ELAPOR2: variants seen among roughly 807,000 people sequenced by gnomAD.
The protein encoded by ELAPOR2 is endosome-lysosome associated apoptosis and autophagy regulator family member 2, also known as endosome/lysosome-associated apoptosis and autophagy regulator family member 2.
In ELAPOR2, 89 loss-of-function variants were observed where a neutral mutation model predicts 120.7. The observed-to-expected ratio is 0.74, with a 90% confidence interval of 0.62 to 0.88. The LOEUF (loss-of-function observed/expected upper bound fraction) is 0.88, where lower values mean the gene tolerates loss of function less well. Among genes scored for constraint, ELAPOR2 ranks in the 40% least tolerant of loss-of-function variants. The probability of loss-of-function intolerance (pLI) is 0.00; values close to 1 mark genes in which losing one functional copy is unlikely to be tolerated. For missense variants in ELAPOR2, 1,134 were observed against 1,251.6 expected, an observed-to-expected ratio of 0.91 and a Z score of 1.42; for synonymous variants, 444 against 444.9, an observed-to-expected ratio of 1.00 and a Z score of 0.03.
chr7:86,990,484 C>A (rs985599772), intron 1 of ELAPOR2, among the ~76,000 whole-genome samples: 67 of 152,154 alleles, frequency 4.4e-4, no homozygotes, highest in Non-Finnish European at 6.6e-4. Context: ...CCAGATGCCA[C>A]CCCTTGACCT....
intron 1 of ELAPOR2, among the ~76,000 whole-genome samples, chr7:87,002,875 G>A (rs1793362405): frequency 6.6e-6 from 1 of 152,116 alleles, no homozygotes; most frequent in Admixed American, 6.6e-5. Context: ...AGTAACTGCA[G>A]GTGAGAAATG....
At chr7:87,000,782 T>A (rs1793291847) in intron 1 of ELAPOR2, among the ~76,000 whole-genome samples, 1 of 152,156 alleles carries the variant, frequency 6.6e-6, no homozygotes, top group Non-Finnish European at 1.5e-5. Flanking sequence ...GTTGCTAAAT[T>A]TCTGGCAAAG....
intron 15 of ELAPOR2, 100 bp downstream of exon 15, chr7:86,911,972 T>A: frequency 8.3e-7 from 1 of 1,201,426 alleles, no homozygotes; most frequent in Non-Finnish European, 1.2e-6. Context: ...TGACACTTGG[T>A]TGATATCCAT....
intron 1 of ELAPOR2, among the ~76,000 whole-genome samples, chr7:86,984,812 A>G (rs1410494754): frequency 6.6e-6 from 1 of 152,246 alleles, no homozygotes; most frequent in Non-Finnish European, 1.5e-5. Flanking sequence ...AAAAGCTAGC[A>G]AAAGGCAAGA....
At chr7:86,884,591 GGAACCAA>G (rs1799599717) in intron 21 of ELAPOR2, among the ~76,000 whole-genome samples, 1 of 152,108 alleles carries the variant, frequency 6.6e-6, no homozygotes, top group East Asian at 1.9e-4. Context: ...CAGGGGCCCT[GGAACCAA>G]TCCTGTATGA....
At chr7:86,956,517 T>C (rs140611889) in intron 2 of ELAPOR2, among the ~76,000 whole-genome samples, 87 of 152,314 alleles carry the variant, frequency 5.7e-4, no homozygotes, top group East Asian at 2.7e-3. Context: ...TTAGGACTTA[T>C]CAGCCAGAAG....
intron 1 of ELAPOR2, among the ~76,000 whole-genome samples, chr7:86,993,252 AAAAAG>A (rs1225806069): frequency 7.4e-6 from 1 of 134,546 alleles, no homozygotes; most frequent in South Asian, 2.2e-4. Flanking sequence ...AAAAAAAAAG[AAAAAG>A]AAAAGAAAAG....
intron 18 of ELAPOR2, among the ~76,000 whole-genome samples, chr7:86,906,549 T>C (rs1479883850): frequency 2.6e-5 from 4 of 152,138 alleles, no homozygotes; most frequent in Non-Finnish European, 5.9e-5. Context: ...ACCACTGATT[T>C]CCAATCCTGA....
At chr7:86,914,124 T>G (rs1414992709) in intron 13 of ELAPOR2, among the ~76,000 whole-genome samples, 2 of 152,176 alleles carry the variant, frequency 1.3e-5, no homozygotes, top group African/African-American at 2.4e-5. Context: ...TGTTCTCACC[T>G]TGGGAAGGTT....
intron 1 of ELAPOR2, among the ~76,000 whole-genome samples, chr7:86,984,095 G>T (rs1052635496): frequency 2.0e-5 from 3 of 151,074 alleles, no homozygotes; most frequent in African/African-American, 4.9e-5. Context: ...AGAGAGGAAG[G>T]CCACTACATA....
intron 3 of ELAPOR2, among the ~76,000 whole-genome samples, chr7:86,945,456 A>G (rs1222052946): frequency 6.6e-6 from 1 of 152,200 alleles, no homozygotes; most frequent in African/African-American, 2.4e-5. Context: ...ATATAAAGCT[A>G]TATTTTTTCA....
At chr7:86,904,434 C>T (rs1788874025) in intron 18 of ELAPOR2, among the ~76,000 whole-genome samples, 1 of 152,172 alleles carries the variant, frequency 6.6e-6, no homozygotes. Context: ...GGAATATCAG[C>T]AGCCTATTGT....
intron 18 of ELAPOR2, among the ~76,000 whole-genome samples, chr7:86,905,070 A>AGAAGGAGGGAAG (rs1554381574): frequency 3.1e-5 from 3 of 98,148 alleles, no homozygotes; most frequent in African/African-American, 1.2e-4. Flanking sequence ...ACAGAGAGAG[A>AGAAGGAGGGAAG]GAAGGAAGGA....
chr7:86,945,137 C>T, intron 3 of ELAPOR2, 91 bp from the exon 4 acceptor site: 5 of 1,215,240 alleles, frequency 4.1e-6, no homozygotes, highest in Non-Finnish European at 5.7e-6. Context: ...ACGAGTAGTT[C>T]CATCAGCAAA....
chr7:86,987,959 A>G (rs1792810784), intron 1 of ELAPOR2, among the ~76,000 whole-genome samples: 1 of 152,204 alleles, frequency 6.6e-6, no homozygotes, highest in Admixed American at 6.5e-5. Flanking sequence ...AATATCCATC[A>G]ATGATAGACT....
In ELAPOR2 at chr7:86,891,825, C is replaced by G. The variant is rs1788170696; in HGVS notation, c.2929G>C (p.Ala977Pro). ...TNSKECELPA[A>P]DSCAIMEGED... Reference sequence around the variant, plus strand: ...CCTTCCATGATAGCACAACTGTCTGCAGCCGGGAGTTCACACTCTTTTGAG... The same window carrying G: ...CCTTCCATGATAGCACAACTGTCTGGAGCCGGGAGTTCACACTCTTTTGAG... Residue 977 changes from alanine to proline, a missense_variant, in exon 21 of 22, where the codon GCA becomes CCA. By Grantham distance (27) the Ala-to-Pro change is conservative. Transcript: ENST00000450689. 6.2e-7 allele frequency: 1 copy of G among 1,611,848 alleles called. No individual in the cohort carries two copies. Among genetic ancestry groups the G allele is most frequent in the African/African-American group, 1.3e-5 (1 of 74,792 alleles).
At chr7:86,942,624 T>C (rs1285451136) in intron 4 of ELAPOR2, among the ~76,000 whole-genome samples, 1 of 152,084 alleles carries the variant, frequency 6.6e-6, no homozygotes, top group African/African-American at 2.4e-5. Context: ...AAAGTCAAAG[T>C]TCCAAATTTT....
chr7:86,995,983 AG>A (rs1793109310), intron 1 of ELAPOR2, among the ~76,000 whole-genome samples: 1 of 152,240 alleles, frequency 6.6e-6, no homozygotes, highest in East Asian at 1.9e-4. Context: ...ATGATAGTGC[AG>A]GGAAGCCAAG....
chr7:86,888,936 G>A (rs1183047960), intron 21 of ELAPOR2, among the ~76,000 whole-genome samples: 1 of 152,120 alleles, frequency 6.6e-6, no homozygotes, highest in Non-Finnish European at 1.5e-5. Context: ...CTCCAGGACT[G>A]CACTTCTTGT....
Sources: allele counts gnomAD v4.1 joint callset (sites outside exome capture counted in the v4.1 genomes callset), GRCh38; gene constraint gnomAD v4.1.1; transcripts MANE v1.5; gene names NCBI Gene and HGNC (gene_info 2026-07-23, HGNC 2026-07-21).